Variants in DLGAP2 observed in about 807,000 individuals in gnomAD.
DLGAP2 encodes disks large-associated protein 2.
Under a neutral mutation model 100.3 loss-of-function variants are expected in DLGAP2, and 26 were observed. That is an observed-to-expected ratio of 0.26 (90% CI 0.19 to 0.36). The LOEUF (loss-of-function observed/expected upper bound fraction) is 0.36, where lower values mean the gene tolerates loss of function less well. DLGAP2 is among the 10% of genes least tolerant of loss of function. The probability of loss-of-function intolerance (pLI) is 1.00; values close to 1 mark genes in which losing one functional copy is unlikely to be tolerated. For missense variants in DLGAP2, 1,858 were observed against 1,453.2 expected (o/e 1.28, Z -4.53); for synonymous variants, 886 against 630.1 (o/e 1.41, Z -6.08).
chr8:1,262,492 C>G (rs1799371675), intron 3 of DLGAP2: 1 of 152,118 alleles, frequency 6.6e-6, no homozygotes, highest in African/African-American at 2.4e-5. Context: ...TAACGAGGGT[C>G]TGGATGCCAT....
intron 6 of DLGAP2, among the ~76,000 whole-genome samples, chr8:1,571,374 G>A (rs376968375): frequency 2.9e-3 from 309 of 106,570 alleles, no homozygotes; most frequent in African/African-American, 7.4e-3. Flanking sequence ...GGAGAGGAGA[G>A]AGGGGTGAAC....
chr8:1,363,305 TTG>T (rs1289270441), intron 3 of DLGAP2, among the ~76,000 whole-genome samples: 2 of 152,080 alleles, frequency 1.3e-5, no homozygotes, highest in South Asian at 2.1e-4. Flanking sequence ...TGCCTCTGCC[TTG>T]CAGGTCCCAC....
chr8:1,364,181 A>G (rs1029537028), intron 3 of DLGAP2, among the ~76,000 whole-genome samples: 3 of 152,136 alleles, frequency 2.0e-5, no homozygotes, highest in African/African-American at 7.2e-5. Context: ...TGCATCGAGG[A>G]GCCCTGTACA....
intron 3 of DLGAP2, among the ~76,000 whole-genome samples, chr8:1,343,691 G>T (rs1291843862): frequency 1.4e-5 from 2 of 144,888 alleles, no homozygotes; most frequent in Admixed American, 7.3e-5. Context: ...TTTTGGAGCA[G>T]TTTGCATCTG....
intron 3 of DLGAP2, among the ~76,000 whole-genome samples, chr8:1,475,902 G>A (rs1798918654): frequency 6.6e-6 from 1 of 152,134 alleles, no homozygotes; most frequent in Non-Finnish European, 1.5e-5. Flanking sequence ...CTTAGAAGTA[G>A]CTCTTCTAGG....
intron 2 of DLGAP2, among the ~76,000 whole-genome samples, chr8:935,886 A>G (rs970022556): frequency 2.6e-5 from 4 of 152,132 alleles, no homozygotes; most frequent in Non-Finnish European, 4.4e-5. Flanking sequence ...TAAAATGTCT[A>G]TCAATTATTG....
intron 2 of DLGAP2, among the ~76,000 whole-genome samples, chr8:1,097,918 C>A (rs957414052): frequency 6.6e-6 from 1 of 152,212 alleles, no homozygotes; most frequent in Admixed American, 6.5e-5. Flanking sequence ...GAGAGTCGAG[C>A]TGGGAGCCTA....
intron 3 of DLGAP2, among the ~76,000 whole-genome samples, chr8:1,313,569 C>T (rs1160058656): frequency 1.3e-5 from 2 of 152,246 alleles, no homozygotes; most frequent in Middle Eastern, 3.4e-3. Flanking sequence ...AAAGGTTTTT[C>T]CTGTGGAACA....
At chr8:1,208,385 C>T (rs1258632583) in intron 2 of DLGAP2, among the ~76,000 whole-genome samples, 1 of 152,124 alleles carries the variant, frequency 6.6e-6, no homozygotes, top group African/African-American at 2.4e-5. Flanking sequence ...ATCACATGAT[C>T]ATCTCAACAG....
chr8:782,293 C>G (rs1273682447), intron 1 of DLGAP2, among the ~76,000 whole-genome samples: 1 of 151,084 alleles, frequency 6.6e-6, no homozygotes, highest in African/African-American at 2.4e-5. Context: ...CATAGATAAC[C>G]TCTAATAACT....
intron 2 of DLGAP2, among the ~76,000 whole-genome samples, chr8:914,600 G>A (rs558349612): frequency 7.2e-5 from 11 of 152,190 alleles, no homozygotes; most frequent in Non-Finnish European, 1.0e-4. Flanking sequence ...GCCCCCATCC[G>A]TTCTGGGCCG....
intron 2 of DLGAP2, among the ~76,000 whole-genome samples, chr8:1,111,453 G>A (rs79778805): frequency 0.068 from 10,314 of 151,826 alleles, 442 homozygotes; most frequent in East Asian, 0.22. Flanking sequence ...TCTTACTTAG[G>A]TTAACTCATG....
intron 2 of DLGAP2, among the ~76,000 whole-genome samples, chr8:1,208,909 T>TAAATAAAA (rs1309973231): frequency 4.9e-5 from 7 of 142,568 alleles, no homozygotes; most frequent in African/African-American, 7.7e-5. Context: ...AATAAATAAA[T>TAAATAAAA]AAAATGCTTA....
intron 3 of DLGAP2, among the ~76,000 whole-genome samples, chr8:1,352,911 C>G (rs150565567): frequency 6.6e-6 from 1 of 152,194 alleles, no homozygotes; most frequent in Non-Finnish European, 1.5e-5. Flanking sequence ...GGCCTCCGGT[C>G]TTCCAGCTCA....
At chr8:1,516,613 G>C (rs1226963042) in intron 4 of DLGAP2, among the ~76,000 whole-genome samples, 1 of 151,760 alleles carries the variant, frequency 6.6e-6, no homozygotes, top group African/African-American at 2.4e-5. Context: ...ATGAGTGAGT[G>C]AATCAGGGAG....
At chr8:1,525,150 C>G (rs1800749729) in intron 4 of DLGAP2, among the ~76,000 whole-genome samples, 1 of 144,218 alleles carries the variant, frequency 6.9e-6, no homozygotes. Context: ...GAGGCAACAA[C>G]TTCAAAGCAA....
At chr8:1,223,467 C>A (rs1398940805) in intron 2 of DLGAP2, among the ~76,000 whole-genome samples, 1 of 152,188 alleles carries the variant, frequency 6.6e-6, no homozygotes, top group Non-Finnish European at 1.5e-5. Context: ...GATGACATTT[C>A]TCTTTCTTCT....
At chr8:1,155,716 T>A (rs1796771031) in intron 2 of DLGAP2, among the ~76,000 whole-genome samples, 1 of 151,642 alleles carries the variant, frequency 6.6e-6, no homozygotes, top group South Asian at 2.1e-4. Flanking sequence ...CGCTTCTCAC[T>A]TCCCCGTCCG....
intron 1 of DLGAP2, among the ~76,000 whole-genome samples, chr8:793,379 C>G (rs1384470753): frequency 6.6e-6 from 1 of 152,268 alleles, no homozygotes; most frequent in Middle Eastern, 3.4e-3. Flanking sequence ...CAATAAATCT[C>G]TTTCCTCCTC....
Sources: gnomAD v4.1 joint callset for allele counts (sites outside exome capture counted in the v4.1 genomes callset) on GRCh38, gnomAD v4.1.1 for gene constraint, MANE v1.5 for transcripts, NCBI Gene and HGNC (gene_info 2026-07-23, HGNC 2026-07-21) for gene names.